The following HSPH1 variants were observed in gnomAD, a reference collection of about 807,000 sequenced individuals.
HSPH1 encodes the protein heat shock protein 105 kDa.
A neutral mutation model predicts 100.0 loss-of-function variants in HSPH1; 40 were observed. The ratio of observed to expected loss-of-function variants is 0.40; its 90% confidence interval spans 0.31 to 0.52. HSPH1 has a LOEUF of 0.52. Ranked by LOEUF, HSPH1 falls within the 20% of genes least tolerant of loss-of-function variation. The pLI is 0.54. For synonymous variants in HSPH1, 403 were observed against 344.0 expected (o/e 1.17, Z -1.90); for missense variants, 876 against 1,015.1 (o/e 0.86, Z 1.86).
chr13:31,138,446 A>G lies in HSPH1; in HGVS notation c.2331T>C (p.Asp777=), dbSNP rs1955963251. 2 of 1,613,220 alleles carry G rather than the reference A, an allele frequency of 1.2e-6. No homozygotes were observed. Among genetic ancestry groups the G allele is most frequent in the Non-Finnish European group, 1.7e-6 (2 of 1,179,488 alleles). ...TAATTTCCTGAGCACGTACAACTGG[A>G]TCCTGATCAAGACTCTTTTTAGCCT... ...NAQAKKSLDQ[D]PVVRAQEIKT... Residue 777 remains aspartate, a synonymous_variant, in exon 17 of 18, where the codon GAT becomes GAC. Transcript: ENST00000320027.
At chr13:31,147,121 T>C (rs980138229) in intron 10 of HSPH1, among the ~76,000 whole-genome samples, 7 of 152,072 alleles carry the variant, frequency 4.6e-5, no homozygotes, top group Admixed American at 1.3e-4. Context: ...ACATGAAAAA[T>C]TAGATGCCAT....
chr13:31,157,078 A>G lies in HSPH1; in HGVS notation c.166-1424T>C, dbSNP rs536463908. Among the ~76,000 whole-genome samples, 6 of 152,372 alleles carry G rather than the reference A, an allele frequency of 3.9e-5. No individual in the cohort carries two copies. The East Asian group carries it at 9.6e-4, about 24-fold the overall frequency. On this transcript the variant is annotated intron_variant, in intron 2 of 17. Coordinates refer to ENST00000320027, the MANE Select transcript of HSPH1 (RefSeq NM_006644.4). ...TTACCTAATTTTTTGAATAAAGGGA[A>G]GAATACAGTTAGCTTGGCAGTACTA...
Position 31,158,848 on chromosome 13 carries a change from A to G in HSPH1, c.123T>C (p.Phe41=), listed in dbSNP as rs761230767. Residue 41 remains phenylalanine (F), a synonymous_variant, in exon 2 of 18, where the codon TTT becomes TTC. Coordinates refer to ENST00000320027, the MANE Select transcript of HSPH1 (RefSeq NM_006644.4). The part of the protein sequence containing the change: ...SDRCTPSVIS[F]GSKNRTIGVA... ...CTCCGATTGTTCTATTTTTTGATCC[A>G]AATGATATGACTGACCTAGAAAAAA... The G allele has an allele frequency of 6.3e-7, 1 of 1,594,904 alleles. No homozygotes were observed.
At chr13:31,154,785 A>G (rs972564736) in intron 3 of HSPH1, 30 bp from the exon 4 acceptor site, 1 of 1,596,034 alleles carries the variant, frequency 6.3e-7, no homozygotes, top group Non-Finnish European at 8.6e-7. Flanking sequence ...TGTTTTAAAC[A>G]TTGTAGTACT....
At chr13:31,155,992 A>G (rs1156791054) in intron 2 of HSPH1, among the ~76,000 whole-genome samples, 1 of 152,264 alleles carries the variant, frequency 6.6e-6, no homozygotes, top group African/African-American at 2.4e-5. Context: ...CTAGAATTTT[A>G]TCACTGTTTC....
chr13:31,148,027 C>A lies in HSPH1; in HGVS notation c.1310G>T (p.Arg437Met), dbSNP rs1478850712. 1 of 1,610,970 alleles carries A rather than the reference C, an allele frequency of 6.2e-7. No homozygotes were observed. Among genetic ancestry groups the A allele is most frequent in the African/African-American group, 1.3e-5 (1 of 74,604 alleles). ...GAAAGCTTCTAGCTCAAAAGGCCCC[C>A]TTCTCAGAAAGGTGAGAACTTTGGA... is the stretch of plus-strand genomic sequence containing the variant. ...PFSKVLTFLR[R>M]GPFELEAFYS... The change falls in exon 10 of 18, where the codon AGG becomes ATG. Residue 437 changes from arginine (R) to methionine (M), a missense_variant. By Grantham distance (91) the Arg-to-Met change is moderately conservative. Coordinates refer to ENST00000320027, the MANE Select transcript of HSPH1 (RefSeq NM_006644.4).
At chr13:31,155,885 AG>A (rs1374646026) in intron 2 of HSPH1, among the ~76,000 whole-genome samples, 1 of 152,214 alleles carries the variant, frequency 6.6e-6, no homozygotes, top group African/African-American at 2.4e-5. Flanking sequence ...AGGGAACAAG[AG>A]GCAAAATAGT....
intron 11 of HSPH1, among the ~76,000 whole-genome samples, chr13:31,144,353 A>T (rs767221312): frequency 6.6e-6 from 1 of 152,124 alleles, no homozygotes; most frequent in Non-Finnish European, 1.5e-5. Context: ...TCAATTTACT[A>T]AACAGTTACA....
chr13:31,142,118 AGTGT>A (rs1956118910), intron 12 of HSPH1, among the ~76,000 whole-genome samples: 1 of 152,084 alleles, frequency 6.6e-6, no homozygotes, highest in South Asian at 2.1e-4. Context: ...TGACAACCAC[AGTGT>A]GTAACATGTA....
At chr13:31,153,091 T>C in intron 4 of HSPH1, 140 bp from the exon 5 acceptor site, 1 of 588,458 alleles carries the variant, frequency 1.7e-6, no homozygotes, top group Non-Finnish European at 3.0e-6. Context: ...GGCTTTAGTT[T>C]TCTGCAAGCT....
At chr13:31,153,023 A>T in intron 4 of HSPH1, 72 bp from the exon 5 acceptor site, 1 of 1,048,402 alleles carries the variant, frequency 9.5e-7, no homozygotes, top group Non-Finnish European at 1.5e-6. Flanking sequence ...CAAACCACTT[A>T]TAAATTCACA....
intron 4 of HSPH1, chr13:31,154,193 C>A: frequency 4.8e-6 from 1 of 209,174 alleles, no homozygotes; most frequent in Admixed American, 5.4e-5. Flanking sequence ...AGTAATTGTC[C>A]ACTGAAGGTA....
chr13:31,153,108 C>T (rs1423754246), intron 4 of HSPH1, among the ~76,000 whole-genome samples, 157 bp from the exon 5 acceptor site: 1 of 152,164 alleles, frequency 6.6e-6, no homozygotes. Flanking sequence ...AGCTCCTTAA[C>T]CTTCAGAAAC....
chr13:31,138,299 G>C, intron 17 of HSPH1, 108 bp downstream of exon 17: 1 of 1,007,566 alleles, frequency 9.9e-7, no homozygotes, highest in Non-Finnish European at 1.5e-6. Context: ...GTTTCAGTTA[G>C]GATGAGGTAA....
In HSPH1 at chr13:31,137,369, A is replaced by G; in HGVS notation, c.2526T>C (p.Asn842=). The change falls in exon 18 of 18, where the codon AAT becomes AAC. Residue 842 remains asparagine (N), a synonymous_variant. Transcript: ENST00000320027. ...TTTTCTCATTAGGGTAACATTCACC[A>G]TTCTGATGTGGAGGTTCAGCACCAA... ...NNFGAEPPHQ[N]GECYPNEKNS... 6.2e-7 allele frequency: 1 copy of G among 1,613,468 alleles called. No individual in the cohort carries two copies. Among genetic ancestry groups the G allele is most frequent in the Non-Finnish European group, 8.5e-7 (1 of 1,179,568 alleles).
At chr13:31,162,307 A>AC (rs1289093393), upstream of HSPH1, 21 of 591,278 alleles carry the variant, frequency 3.6e-5, no homozygotes, top group Admixed American at 5.9e-5. Flanking sequence ...TTTTGCAGAG[A>AC]CCCCAGACAC....
At chr13:31,152,001 GAAAC>G in intron 5 of HSPH1, 1 of 353,152 alleles carries the variant, frequency 2.8e-6, no homozygotes, top group South Asian at 4.8e-5. Flanking sequence ...TGAATACAGT[GAAAC>G]ATAACCACGT....
chr13:31,161,698 C>A lies in HSPH1; in HGVS notation c.-116G>T. 2 of 1,539,846 alleles carry A rather than the reference C, an allele frequency of 1.3e-6. No homozygotes were observed. Among genetic ancestry groups the A allele is most frequent in the Non-Finnish European group, 1.7e-6 (2 of 1,149,114 alleles). On this transcript the variant is annotated 5_prime_UTR_variant, in exon 1 of 18. Transcript: ENST00000320027. ...CGCGTTCTGCTCCGGCCCGCGGGGT[C>A]TGGCCGTTCCTCTGACACTCAGAAG...
At chr13:31,146,297 T>C (rs1238724209) in intron 10 of HSPH1, among the ~76,000 whole-genome samples, 1 of 152,178 alleles carries the variant, frequency 6.6e-6, no homozygotes, top group East Asian at 1.9e-4. Context: ...TTAAAATATA[T>C]ACACTTGAAA....
Sources: allele counts gnomAD v4.1 joint callset (sites outside exome capture counted in the v4.1 genomes callset), GRCh38; gene constraint gnomAD v4.1.1; transcripts MANE v1.5; gene names NCBI Gene and HGNC (gene_info 2026-07-23, HGNC 2026-07-21).